TMEM131: variants seen among roughly 807,000 people sequenced by gnomAD.
The protein encoded by TMEM131 is 2610524E03Rik.
TMEM131 carries 66 observed loss-of-function variants against 211.6 expected under a neutral mutation model. The ratio of observed to expected loss-of-function variants is 0.31; its 90% CI spans 0.26 to 0.38. The LOEUF is 0.38. Ranked by LOEUF, TMEM131 falls within the 10% of genes least tolerant of loss-of-function variation. TMEM131 has a pLI of 1.00. For synonymous variants in TMEM131, 844 were observed against 841.3 expected, an observed-to-expected ratio of 1.00 and a Z score of -0.06; for missense variants, 2,036 against 2,299.3, an observed-to-expected ratio of 0.89 and a Z score of 2.34.
chr2:97,956,069 C>T (rs1042953784), intron 1 of TMEM131, among the ~76,000 whole-genome samples: 8 of 151,958 alleles, frequency 5.3e-5, no homozygotes, highest in African/African-American at 1.9e-4. Context: ...AATTACTTTC[C>T]CCAATATTAA....
At chr2:97,987,774 GA>G (rs1485401538) in intron 1 of TMEM131, among the ~76,000 whole-genome samples, 3 of 152,114 alleles carry the variant, frequency 2.0e-5, no homozygotes, top group African/African-American at 7.2e-5. Context: ...CCAAGGAAGT[GA>G]AAGATTTGTA....
Position 97,896,632 on chromosome 2 carries a change from T to C in TMEM131, c.291-8512A>G, listed in dbSNP as rs188752557. On this transcript the variant is annotated intron_variant, in intron 3 of 40. Transcript: ENST00000186436. ...TTATGTAATGCCCTTCTTTGTCTCT[T>C]TTGATCTTTGTTGGTTTCAAGTCTG... Among the ~76,000 whole-genome samples, 28 of 152,302 alleles carry C rather than the reference T, an allele frequency of 1.8e-4. No homozygotes were observed. In the East Asian group the frequency reaches 5.2e-3, roughly 28 times the overall value.
intron 1 of TMEM131, among the ~76,000 whole-genome samples, chr2:97,995,196 C>A (rs1316286391): frequency 2.0e-5 from 3 of 152,356 alleles, no homozygotes; most frequent in East Asian, 3.9e-4. Flanking sequence ...AAAAAATATG[C>A]CCCTCCTACC....
intron 25 of TMEM131, among the ~76,000 whole-genome samples, chr2:97,800,140 A>T (rs1366506710): frequency 6.6e-6 from 1 of 152,164 alleles, no homozygotes; most frequent in Admixed American, 6.5e-5. Context: ...GATGGATGTA[A>T]ACCAGAAACC....
chr2:97,858,895 C>T (rs1267486594), intron 5 of TMEM131, among the ~76,000 whole-genome samples: 1 of 152,210 alleles, frequency 6.6e-6, no homozygotes, highest in African/African-American at 2.4e-5. Flanking sequence ...TTAATTCAGC[C>T]TGATACACTG....
At chr2:97,875,667 A>T (rs1015749204) in intron 4 of TMEM131, among the ~76,000 whole-genome samples, 7 of 152,218 alleles carry the variant, frequency 4.6e-5, no homozygotes, top group Non-Finnish European at 1.5e-5. Flanking sequence ...CTTTGAAACC[A>T]ATGAGAATGA....
chr2:97,925,189 A>T (rs1676930248), intron 2 of TMEM131, among the ~76,000 whole-genome samples: 5 of 152,230 alleles, frequency 3.3e-5, no homozygotes, highest in East Asian at 1.9e-4. Flanking sequence ...TATTTTTTTT[A>T]AAAAGAAAGT....
chr2:97,883,715 AAAT>A (rs1373031650), intron 4 of TMEM131, among the ~76,000 whole-genome samples: 2 of 152,220 alleles, frequency 1.3e-5, no homozygotes, highest in Non-Finnish European at 2.9e-5. Context: ...AAACAATTAA[AAAT>A]AAGTGAATTT....
intron 7 of TMEM131, 84 bp downstream of exon 7, chr2:97,841,731 G>A: frequency 1.4e-6 from 2 of 1,402,236 alleles, no homozygotes; most frequent in Non-Finnish European, 1.9e-6. Flanking sequence ...AATAGTCTTG[G>A]AAACTGTAAC....
rs367575684 is a variant in TMEM131 at position 97,871,212 on chromosome 2, G to C, written c.360-11785C>G. Reference sequence around the variant, plus strand: ...TTTTACAGCCTGCAATGAATGTCTGGAGTGAAACTGCCTTTGCAAAATTAG... The same window carrying C: ...TTTTACAGCCTGCAATGAATGTCTGCAGTGAAACTGCCTTTGCAAAATTAG... On this transcript the variant is annotated intron_variant, in intron 4 of 40. Coordinates refer to ENST00000186436, the MANE Select transcript of TMEM131 (RefSeq NM_015348.2). Among the ~76,000 whole-genome samples, 5 of 152,302 alleles carry C rather than the reference G, an allele frequency of 3.3e-5. No homozygotes were observed. In the East Asian group the frequency reaches 5.8e-4, roughly 18 times the overall value.
chr2:97,790,941 A>C (rs546823901), intron 31 of TMEM131, among the ~76,000 whole-genome samples: 2 of 152,326 alleles, frequency 1.3e-5, no homozygotes, highest in South Asian at 4.1e-4. Flanking sequence ...AAATTATCTA[A>C]AACTCCTTGA....
intron 1 of TMEM131, among the ~76,000 whole-genome samples, chr2:97,960,118 T>C (rs1215930545): frequency 1.3e-5 from 2 of 150,968 alleles, no homozygotes; most frequent in South Asian, 2.1e-4. Context: ...CACCAGATCT[T>C]TGCATCACAA....
chr2:97,771,771 T>C (rs989252921), intron 33 of TMEM131, among the ~76,000 whole-genome samples: 1 of 152,194 alleles, frequency 6.6e-6, no homozygotes, highest in Non-Finnish European at 1.5e-5. Flanking sequence ...GGCCACTGAA[T>C]CCCATTCCAT....
intron 11 of TMEM131, among the ~76,000 whole-genome samples, chr2:97,824,396 T>A (rs975666331): frequency 2.0e-5 from 3 of 152,194 alleles, no homozygotes; most frequent in Admixed American, 2.0e-4. Flanking sequence ...TCAGTGTTAA[T>A]CTCCTGTCCT....
intron 1 of TMEM131, among the ~76,000 whole-genome samples, chr2:97,932,366 T>C (rs138724303): frequency 6.6e-6 from 1 of 152,298 alleles, no homozygotes; most frequent in East Asian, 1.9e-4. Context: ...CTGAAAAATG[T>C]AACATATACT....
intron 5 of TMEM131, among the ~76,000 whole-genome samples, chr2:97,846,253 A>AT (rs1390047792): frequency 2.0e-5 from 3 of 152,238 alleles, no homozygotes; most frequent in Admixed American, 1.3e-4. Flanking sequence ...CTTGAAAAGT[A>AT]TAAGCCAATA....
chr2:97,834,459 C>T (rs1056276771), intron 10 of TMEM131, among the ~76,000 whole-genome samples, 162 bp downstream of exon 10: 1 of 151,986 alleles, frequency 6.6e-6, no homozygotes, highest in Non-Finnish European at 1.5e-5. Context: ...GGGTATAAAC[C>T]TGTAAAGGCG....
chr2:97,927,151 C>A (rs992474132), intron 2 of TMEM131, among the ~76,000 whole-genome samples: 1 of 152,080 alleles, frequency 6.6e-6, no homozygotes, highest in South Asian at 2.1e-4. Context: ...TATTACATTT[C>A]TCAACACCTC....
chr2:97,793,331 T>C, intron 30 of TMEM131, 64 bp downstream of exon 30: 2 of 1,490,066 alleles, frequency 1.3e-6, no homozygotes, highest in Non-Finnish European at 1.8e-6. Flanking sequence ...ACTTATTTTT[T>C]ATTGTAATTT....
Sources: allele counts gnomAD v4.1 joint callset (sites outside exome capture counted in the v4.1 genomes callset), GRCh38; gene constraint gnomAD v4.1.1; transcripts MANE v1.5; gene names NCBI Gene and HGNC (gene_info 2026-07-23, HGNC 2026-07-21).